CDH13: variants seen among roughly 807,000 people sequenced by gnomAD.
CDH13 encodes the protein cadherin 13, also known as cadherin-13.
In CDH13, 24 loss-of-function variants were observed where a neutral mutation model predicts 63.8. The observed-to-expected ratio is 0.38, with a 90% CI of 0.27 to 0.53. CDH13 has a LOEUF of 0.53. CDH13 is among the 20% of genes least tolerant of loss of function. The pLI is 0.85. For synonymous variants in CDH13, 503 were observed against 355.3 expected, an observed-to-expected ratio of 1.42 and a Z score of -4.67; for missense variants, 1,049 against 903.1, an observed-to-expected ratio of 1.16 and a Z score of -2.07.
chr16:83,606,565 C>CT (rs1303103028), intron 8 of CDH13, among the ~76,000 whole-genome samples: 2 of 151,666 alleles, frequency 1.3e-5, no homozygotes, highest in Non-Finnish European at 2.9e-5. Flanking sequence ...TGGTGAAACT[C>CT]TGTCGCTACA....
intron 1 of CDH13, among the ~76,000 whole-genome samples, chr16:82,727,925 C>T (rs553865646): frequency 6.6e-6 from 1 of 152,250 alleles, no homozygotes; most frequent in Non-Finnish European, 1.5e-5. Context: ...GTTCTGGACA[C>T]AGCCCTGTGT....
chr16:83,432,912 T>G (rs1353381447), intron 6 of CDH13, among the ~76,000 whole-genome samples: 1 of 152,230 alleles, frequency 6.6e-6, no homozygotes, highest in Non-Finnish European at 1.5e-5. Flanking sequence ...AACATTTATG[T>G]TTCTTCTTCA....
chr16:83,739,799 C>T (rs1054049204), intron 10 of CDH13: 3 of 152,154 alleles, frequency 2.0e-5, no homozygotes, highest in African/African-American at 7.2e-5. Flanking sequence ...CATTCATTCC[C>T]TCATGCATGC....
At chr16:83,646,706 AAAAAAAACACACAC>A (rs1911841814) in intron 8 of CDH13, among the ~76,000 whole-genome samples, 1 of 88,748 alleles carries the variant, frequency 1.1e-5, no homozygotes, top group African/African-American at 3.8e-5. Context: ...AAAAAAAAAA[AAAAAAAACACACAC>A]ACACACACAC....
At chr16:83,240,586 T>G (rs1187326074) in intron 5 of CDH13, among the ~76,000 whole-genome samples, 2 of 151,644 alleles carry the variant, frequency 1.3e-5, no homozygotes, top group East Asian at 1.9e-4. Flanking sequence ...CAGAATTTGC[T>G]ACTGGATTAG....
intron 1 of CDH13, among the ~76,000 whole-genome samples, chr16:82,714,589 C>T (rs1418150120): frequency 6.6e-6 from 1 of 151,080 alleles, no homozygotes; most frequent in African/African-American, 2.4e-5. Flanking sequence ...TGGCATACAC[C>T]TGTAGTTTCA....
chr16:83,562,072 C>G (rs930416135), intron 7 of CDH13, among the ~76,000 whole-genome samples: 1 of 152,170 alleles, frequency 6.6e-6, no homozygotes, highest in African/African-American at 2.4e-5. Flanking sequence ...ATGGTGATGT[C>G]CAAGTGTCTT....
intron 1 of CDH13, among the ~76,000 whole-genome samples, chr16:82,635,882 G>A (rs574429364): frequency 3.9e-5 from 6 of 152,176 alleles, no homozygotes; most frequent in African/African-American, 1.4e-4. Flanking sequence ...AAAGTGTATA[G>A]CACTTCCCCC....
At chr16:83,711,273 AG>A (rs1908003565) in intron 10 of CDH13, among the ~76,000 whole-genome samples, 1 of 152,378 alleles carries the variant, frequency 6.6e-6, no homozygotes, top group East Asian at 1.9e-4. Context: ...AAGGAATAAA[AG>A]CCTCCTGTGC....
At chr16:83,245,092 A>G (rs1904856475) in intron 5 of CDH13, among the ~76,000 whole-genome samples, 2 of 150,104 alleles carry the variant, frequency 1.3e-5, no homozygotes, top group Admixed American at 6.6e-5. Flanking sequence ...CACACTTGCT[A>G]TGTTGGCTCT....
At chr16:83,157,439 G>C (rs1011318438) in intron 4 of CDH13, among the ~76,000 whole-genome samples, 1 of 152,104 alleles carries the variant, frequency 6.6e-6, no homozygotes, top group African/African-American at 2.4e-5. Flanking sequence ...AACATCTTCA[G>C]GCTAACCCAA....
intron 1 of CDH13, among the ~76,000 whole-genome samples, chr16:82,775,248 C>A (rs1308829041): frequency 6.6e-6 from 1 of 152,174 alleles, no homozygotes; most frequent in African/African-American, 2.4e-5. Context: ...AGAACATAGT[C>A]AAAATGGGGT....
At chr16:83,236,645 C>T (rs1457004189) in intron 5 of CDH13, among the ~76,000 whole-genome samples, 1 of 151,982 alleles carries the variant, frequency 6.6e-6, no homozygotes, top group Non-Finnish European at 1.5e-5. Flanking sequence ...ATAGTGGTAG[C>T]TAGGTTCTTC....
chr16:83,144,894 T>C (rs1402218386), intron 4 of CDH13, among the ~76,000 whole-genome samples: 2 of 152,184 alleles, frequency 1.3e-5, no homozygotes, highest in Non-Finnish European at 2.9e-5. Flanking sequence ...CTCCTTTCCC[T>C]GGGCTGCAGA....
chr16:82,809,732 A>T (rs2037347549), intron 1 of CDH13, among the ~76,000 whole-genome samples: 1 of 152,124 alleles, frequency 6.6e-6, no homozygotes, highest in African/African-American at 2.4e-5. Context: ...GAATTTGGAA[A>T]TCTGACAAGT....
At chr16:83,384,876 C>G (rs985664107) in intron 6 of CDH13, among the ~76,000 whole-genome samples, 5 of 152,204 alleles carry the variant, frequency 3.3e-5, no homozygotes, top group African/African-American at 1.2e-4. Flanking sequence ...CATGAGTTGT[C>G]GTGTGTAACA....
intron 10 of CDH13, among the ~76,000 whole-genome samples, chr16:83,704,800 T>C (rs1906762843): frequency 6.6e-6 from 1 of 152,194 alleles, no homozygotes; most frequent in African/African-American, 2.4e-5. Context: ...TTTTTCCCAG[T>C]AACTTAATAA....
chr16:83,478,579 T>G (rs1371078399), intron 6 of CDH13, among the ~76,000 whole-genome samples: 2 of 152,148 alleles, frequency 1.3e-5, no homozygotes, highest in Non-Finnish European at 2.9e-5. Flanking sequence ...CCTGGATAAC[T>G]GGGCAACCCA....
intron 1 of CDH13, among the ~76,000 whole-genome samples, chr16:82,734,423 T>C (rs148325994): frequency 6.6e-6 from 1 of 152,076 alleles, no homozygotes; most frequent in East Asian, 1.9e-4. Context: ...ATGCCTAGTG[T>C]GTTTGAGGAG....
Sources: gnomAD v4.1 joint callset for allele counts (sites outside exome capture counted in the v4.1 genomes callset) on GRCh38, gnomAD v4.1.1 for gene constraint, MANE v1.5 for transcripts, NCBI Gene and HGNC (gene_info 2026-07-23, HGNC 2026-07-21) for gene names.